The following ACSL6 variants were observed in gnomAD, a reference collection of about 807,000 sequenced individuals.
The protein encoded by ACSL6 is acyl-CoA synthetase long chain family member 6, also known as long-chain-fatty-acid--CoA ligase 6.
A neutral mutation model predicts 98.2 loss-of-function variants in ACSL6; 47 were observed. The ratio of observed to expected loss-of-function variants is 0.48; its 90% CI spans 0.38 to 0.61. The LOEUF (loss-of-function observed/expected upper bound fraction) is 0.61, where lower values mean the gene tolerates loss of function less well. ACSL6 is among the 20% of genes least tolerant of loss of function. The probability of loss-of-function intolerance (pLI) is 0.00; values close to 1 mark genes in which losing one functional copy is unlikely to be tolerated. For synonymous variants in ACSL6, 362 were observed against 336.9 expected, an observed-to-expected ratio of 1.07 and a Z score of -0.82; for missense variants, 761 against 913.4, an observed-to-expected ratio of 0.83 and a Z score of 2.15.
rs576953989 is a variant in ACSL6, at chr5:132,011,312, A to C, written c.49+193T>G. The C allele has an allele frequency of 8.2e-4, 530 of 647,102 alleles. 4 individuals are homozygous for C. The African/African-American group carries it at 9.1e-3, about 11-fold the overall frequency. The allele number at this position is 647,102 out of a possible 1,614,324, so 40.1% of individuals were successfully genotyped here. On this transcript the variant is annotated intron_variant, in intron 1 of 20. Transcript: ENST00000651883. The surrounding 1 kb of genome is among the most constrained non-coding windows in gnomAD (Gnocchi z 5.4). Reference sequence around the variant, plus strand: ...CCCTCCGCAGACCCAGGTGCTCCCCAAACCCGGCCCGGAGCCCGCGAGAAC... The same window carrying C: ...CCCTCCGCAGACCCAGGTGCTCCCCCAACCCGGCCCGGAGCCCGCGAGAAC...
At chr5:131,985,537 C>A in intron 8 of ACSL6, 79 bp from the exon 9 acceptor site, 1 of 1,462,032 alleles carries the variant, frequency 6.8e-7, no homozygotes, top group South Asian at 1.2e-5. Flanking sequence ...GCTCCCCAAC[C>A]AGCCAGGCCC....
chr5:131,956,032 T>G (rs144523815), intron 20 of ACSL6, among the ~76,000 whole-genome samples: 236 of 152,310 alleles, frequency 1.5e-3, no homozygotes, highest in African/African-American at 5.6e-3. Flanking sequence ...AATGCCAAGA[T>G]GTAATTTCTC....
intron 8 of ACSL6, 62 bp from the exon 9 acceptor site, chr5:131,985,520 T>C: frequency 6.3e-7 from 1 of 1,584,136 alleles, no homozygotes; most frequent in South Asian, 1.1e-5. Flanking sequence ...GGGCCCAAGA[T>C]GCCTGGGCTC....
chr5:132,011,476 T>C lies in ACSL6; in HGVS notation c.49+29A>G. The C allele has an allele frequency of 6.2e-7, 1 of 1,605,082 alleles. No homozygotes were observed. The highest frequency in any genetic ancestry group is 8.5e-7 in the Non-Finnish European group (1 of 1,174,316). On this transcript the variant is annotated intron_variant, in intron 1 of 20. Transcript: ENST00000651883. The surrounding 1 kb of genome is among the most constrained non-coding windows in gnomAD (Gnocchi z 5.4). ...CCTCATAGCCTGCGGGAGATGGGAG[T>C]CCGGGACGCGGACAGGACGGGCACT...
chr5:131,979,146 T>C (rs1753772965), intron 9 of ACSL6, among the ~76,000 whole-genome samples: 1 of 152,212 alleles, frequency 6.6e-6, no homozygotes, highest in Admixed American at 6.5e-5. Context: ...TTAAGAAATA[T>C]CCAAGTTGTC....
Position 131,954,361 on chromosome 5 carries a change from A to C in ACSL6, c.2042T>G (p.Ile681Ser). 1 of 1,613,064 alleles carries C rather than the reference A, an allele frequency of 6.2e-7. No homozygotes were observed. Among genetic ancestry groups the C allele is most frequent in the Non-Finnish European group, 8.5e-7 (1 of 1,179,718 alleles). ...TGAGAACATGTCAGAATGGATGTGA[A>C]TGGCTTTAACCTAAAAACCAAATGC... ...GLHSFEQVKA[I>S]HIHSDMFSVQ... Residue 681 changes from isoleucine to serine, a missense_variant, in exon 21 of 21, where the codon ATT becomes AGT. By Grantham distance (142) the Ile-to-Ser change is moderately radical (BLOSUM62 -2). Coordinates refer to ENST00000651883, the MANE Select transcript of ACSL6 (RefSeq NM_001009185.3).
At chr5:131,989,340 G>A (rs1754376975) in intron 5 of ACSL6, 67 bp downstream of exon 5, 4 of 1,442,600 alleles carry the variant, frequency 2.8e-6, no homozygotes, top group South Asian at 2.3e-5. Context: ...GTGAAAGCAG[G>A]ACTATTCCAT....
intron 17 of ACSL6, among the ~76,000 whole-genome samples, chr5:131,964,250 G>A (rs562421833): frequency 1.3e-5 from 2 of 152,250 alleles, no homozygotes; most frequent in East Asian, 3.9e-4. Context: ...AATATAAATG[G>A]AAAGGTCAAA....
chr5:131,991,914 G>T (rs1388038946), intron 2 of ACSL6, among the ~76,000 whole-genome samples: 1 of 152,222 alleles, frequency 6.6e-6, no homozygotes, highest in African/African-American at 2.4e-5. Flanking sequence ...TGATTGGCCA[G>T]TGCTTTCAAG....
intron 20 of ACSL6, among the ~76,000 whole-genome samples, chr5:131,955,972 A>C (rs1033318892): frequency 6.6e-6 from 1 of 152,098 alleles, no homozygotes; most frequent in African/African-American, 2.4e-5. Flanking sequence ...CCATCTATCC[A>C]CCTTCTTTTG....
chr5:131,971,963 C>T (rs754932562), intron 13 of ACSL6, among the ~76,000 whole-genome samples: 29 of 152,110 alleles, frequency 1.9e-4, no homozygotes, highest in Non-Finnish European at 1.3e-4. Context: ...ACAGCTGTTC[C>T]GTCACTCTCC....
intron 17 of ACSL6, among the ~76,000 whole-genome samples, chr5:131,965,954 A>T (rs1273527468): frequency 6.6e-6 from 1 of 152,212 alleles, no homozygotes; most frequent in African/African-American, 2.4e-5. Flanking sequence ...TTACATGAGC[A>T]ACTGCTGGCA....
chr5:132,011,920 T>G (rs2126985067), upstream of ACSL6: 1 of 1,557,072 alleles, frequency 6.4e-7, no homozygotes, highest in African/African-American at 1.4e-5. This position sits in a 1 kb window ranked among gnomAD's most constrained non-coding sequence, Gnocchi z 5.4. Flanking sequence ...GTACCTGGCA[T>G]TCTGCGGAAA....
At chr5:131,973,741 G>T in intron 11 of ACSL6, 1 of 213,516 alleles carries the variant, frequency 4.7e-6, no homozygotes, top group Non-Finnish European at 9.4e-6. Flanking sequence ...CCTTTGAGAT[G>T]TACTACAGCC....
chr5:131,987,157 G>C (rs1754242274), intron 7 of ACSL6, among the ~76,000 whole-genome samples: 1 of 152,202 alleles, frequency 6.6e-6, no homozygotes. Flanking sequence ...CTGGGAGACA[G>C]GGAGGGTGAC....
At chr5:132,004,298 T>A (rs1405459365) in intron 1 of ACSL6, among the ~76,000 whole-genome samples, 2 of 151,814 alleles carry the variant, frequency 1.3e-5, no homozygotes, top group Non-Finnish European at 2.9e-5. Context: ...GAGCTGCCTA[T>A]TAACCACAGC....
In ACSL6 at chr5:131,988,822, C is replaced by G. The variant is rs139193253; in HGVS notation, c.635G>C (p.Arg212Pro). 6.2e-7 allele frequency: 1 copy of G among 1,613,596 alleles called. No homozygotes were observed. The highest frequency in any genetic ancestry group is 1.7e-5 in the Admixed American group (1 of 59,990). The stretch of plus-strand genomic sequence containing the variant: ...GGGCTTACCTGTATTGATGATGTAG[C>G]GGATAGCCCCAGGGCCCAGGGTGTC... Reference protein sequence around the residue: ...LYDTLGPGAIRYIINTADIST... With the variant: ...LYDTLGPGAIPYIINTADIST... Residue 212 changes from arginine (R) to proline (P), a missense_variant, in exon 6 of 21, where the codon CGC becomes CCC. Physicochemically the swap from Arg to Pro is moderately radical, Grantham distance 103. Coordinates refer to ENST00000651883, the MANE Select transcript of ACSL6 (RefSeq NM_001009185.3).
chr5:131,976,011 C>T (rs1227113104), intron 10 of ACSL6: 1 of 985,322 alleles, frequency 1.0e-6, no homozygotes, highest in East Asian at 1.1e-4. Flanking sequence ...TGACTTTCTC[C>T]ACAGTGAAGA....
chr5:132,005,922 A>G (rs1302121254), intron 1 of ACSL6, among the ~76,000 whole-genome samples: 1 of 152,130 alleles, frequency 6.6e-6, no homozygotes, highest in Non-Finnish European at 1.5e-5. Context: ...AATAGCTATC[A>G]ATTACTAAGT....
Sources: gnomAD v4.1 joint callset for allele counts (sites outside exome capture counted in the v4.1 genomes callset) on GRCh38, gnomAD v4.1.1 for gene constraint, Gnocchi (gnomAD v3.1) non-coding constraint, MANE v1.5 for transcripts, NCBI Gene and HGNC (gene_info 2026-07-23, HGNC 2026-07-21) for gene names.